Variants in NLRC5 observed in about 807,000 individuals in gnomAD.
NLRC5 encodes the protein protein NLRC5.
NLRC5 carries 114 observed loss-of-function variants against 206.9 expected under a neutral mutation model. That is an observed-to-expected ratio of 0.55 (90% CI 0.47 to 0.64). The LOEUF (loss-of-function observed/expected upper bound fraction) is 0.64, where lower values mean the gene tolerates loss of function less well. NLRC5 is among the 30% of genes least tolerant of loss of function. NLRC5 has a pLI of 0.00. For synonymous variants in NLRC5, 952 were observed against 962.8 expected, an observed-to-expected ratio of 0.99 and a Z score of 0.21; for missense variants, 2,008 against 2,305.5, an observed-to-expected ratio of 0.87 and a Z score of 2.64.
intron 36 of NLRC5, 132 bp from the exon 37 acceptor site, chr16:57,069,704 G>C (rs1199123977): frequency 2.8e-6 from 2 of 708,426 alleles, no homozygotes; most frequent in Middle Eastern, 2.3e-4. Flanking sequence ...AGAGATTTAC[G>C]AAGGGAAGGA....
At chr16:57,059,681 G>T in intron 30 of NLRC5, 149 bp downstream of exon 30, 1 of 698,254 alleles carries the variant, frequency 1.4e-6, no homozygotes, top group Non-Finnish European at 2.2e-6. Context: ...CTCCAGATCT[G>T]CCCCCGATGC....
chr16:57,030,083 A>G lies in NLRC5; in HGVS notation c.2416A>G (p.Arg806Gly). 1 of 1,613,758 alleles carries G rather than the reference A, an allele frequency of 6.2e-7. No homozygotes were observed. The highest frequency in any genetic ancestry group is 2.2e-5 in the East Asian group (1 of 44,882). The change falls in exon 10 of 49, where the codon AGG (arginine) becomes GGG (glycine). Residue 806 changes from arginine to glycine, a missense_variant and splice_region_variant. Coordinates refer to ENST00000688547, the MANE Select transcript of NLRC5 (RefSeq NM_001384950.1). ...TCCTACCGTCAGGATGCTTCAGGCC[A>G]GGTGAGCAGAAGGAAAGGGATCTTG... ...TCPTVRMLQA[R>G]EADLIFLLSP...
chr16:57,034,344 G>C (rs902025594), intron 13 of NLRC5, 93 bp downstream of exon 13: 1 of 858,424 alleles, frequency 1.2e-6, no homozygotes, highest in Admixed American at 2.2e-5. Flanking sequence ...GTGTGGGGGA[G>C]GGGCATGCTG....
At chr16:57,040,626 C>T (rs769974071) in intron 16 of NLRC5, 24 bp from the exon 17 acceptor site, 2 of 1,612,696 alleles carry the variant, frequency 1.2e-6, no homozygotes, top group African/African-American at 2.7e-5. Context: ...TTTGCTCAGC[C>T]TGGCCTTGGT....
chr16:57,074,540 C>T, intron 38 of NLRC5, 60 bp from the exon 39 acceptor site: 1 of 1,489,276 alleles, frequency 6.7e-7, no homozygotes, highest in Non-Finnish European at 9.4e-7. Context: ...GCCTCAGACC[C>T]CCAGACTGGA....
chr16:57,029,813 A>C lies in NLRC5; in HGVS notation c.2284A>C (p.Ile762Leu). The C allele has an allele frequency of 6.2e-7, 1 of 1,614,138 alleles. No individual in the cohort carries two copies. Among genetic ancestry groups the C allele is most frequent in the Middle Eastern group, 1.6e-4 (1 of 6,062 alleles). ...GCTCAGTGACCAGGTGGTGCTGAAC[A>C]TTGTGGAGGTTCTCCCTCACCTACC... The part of the protein sequence containing the change: ...NQLSDQVVLN[I>L]VEVLPHLPRL... Residue 762 changes from isoleucine (I) to leucine (L), a missense_variant, in exon 9 of 49, where the codon ATT becomes CTT. Physicochemically the swap from Ile to Leu is conservative, Grantham distance 5 (BLOSUM62 2). Coordinates refer to ENST00000688547, the MANE Select transcript of NLRC5 (RefSeq NM_001384950.1).
In NLRC5 at chr16:57,041,997, T is replaced by C. The variant is rs1343542777; in HGVS notation, c.3045T>C (p.Ala1015=). The C allele has an allele frequency of 1.3e-6, 2 of 1,579,982 alleles. No individual in the cohort carries two copies. The highest frequency in any genetic ancestry group is 8.6e-7 in the Non-Finnish European group (1 of 1,166,906). The change falls in exon 19 of 49, where the codon GCT becomes GCC. Residue 1015 remains alanine, a synonymous_variant. Coordinates refer to ENST00000688547, the MANE Select transcript of NLRC5 (RefSeq NM_001384950.1). ...CCACCCCCAGCTTCTCAGGCAATGC[T>C]CTGGGGGATGAAGGTGCAGCCCGGC... ...GHLHLDFSGN[A]LGDEGAARLA...
At chr16:57,055,546 G>C (rs1388475613) in intron 27 of NLRC5, 27 bp downstream of exon 27, 3 of 1,590,696 alleles carry the variant, frequency 1.9e-6, no homozygotes, top group Non-Finnish European at 2.6e-6. Context: ...GGAGGAAGGA[G>C]AGGAGCATGG....
chr16:57,018,205 GA>G (rs1281024608), intron 2 of NLRC5, among the ~76,000 whole-genome samples: 1 of 152,204 alleles, frequency 6.6e-6, no homozygotes, highest in Non-Finnish European at 1.5e-5. Flanking sequence ...CCATAGCCTG[GA>G]AAAGAAGTTA....
intron 13 of NLRC5, 83 bp downstream of exon 13, chr16:57,034,334 G>T: frequency 4.3e-6 from 4 of 939,366 alleles, no homozygotes; most frequent in Non-Finnish European, 6.7e-6. Context: ...TGGGTGGGTG[G>T]TGTGGGGGAG....
intron 1 of NLRC5, among the ~76,000 whole-genome samples, chr16:57,001,636 G>C (rs2058270293): frequency 6.6e-6 from 1 of 152,076 alleles, no homozygotes; most frequent in African/African-American, 2.4e-5. Context: ...GTACATAGTA[G>C]GTGTATATAT....
At chr16:57,030,858 C>T (rs1343143129) in intron 10 of NLRC5, among the ~76,000 whole-genome samples, 4 of 152,076 alleles carry the variant, frequency 2.6e-5, no homozygotes, top group Admixed American at 2.6e-4. Flanking sequence ...CCTGTAATTC[C>T]AACACTTTGG....
intron 1 of NLRC5, among the ~76,000 whole-genome samples, chr16:57,009,240 G>A (rs1461353481): frequency 3.3e-5 from 5 of 151,972 alleles, no homozygotes; most frequent in East Asian, 1.9e-4. Flanking sequence ...GCAGTGAGCC[G>A]AGACCTTGCC....
Position 57,061,612 on chromosome 16 carries a change from C to T in NLRC5, c.4071-6C>T, listed in dbSNP as rs768150451. 1 of 1,610,122 alleles carries T rather than the reference C, an allele frequency of 6.2e-7. No homozygotes were observed. The highest frequency in any genetic ancestry group is 8.5e-7 in the Non-Finnish European group (1 of 1,179,322). ...AGCCACCTCAGTGACTGACCTCTGT[C>T]TCCAGGCTGACCCAGTGCTGCCTGG... On this transcript the variant is annotated splice_polypyrimidine_tract_variant and splice_region_variant and intron_variant, in intron 31 of 48. Coordinates refer to ENST00000688547, the MANE Select transcript of NLRC5 (RefSeq NM_001384950.1).
intron 12 of NLRC5, 88 bp from the exon 13 acceptor site, chr16:57,034,080 C>G (rs1597274317): frequency 9.1e-7 from 1 of 1,103,346 alleles, no homozygotes; most frequent in Non-Finnish European, 1.3e-6. Flanking sequence ...TCTGTGGGCC[C>G]CCTGACTCCC....
At chr16:57,039,137 C>T (rs1321518661) in intron 15 of NLRC5, among the ~76,000 whole-genome samples, 1 of 152,138 alleles carries the variant, frequency 6.6e-6, no homozygotes, top group Non-Finnish European at 1.5e-5. Flanking sequence ...GAAGGACTCA[C>T]TCCAAAGGTT....
chr16:57,024,281 A>C (rs1350036371), intron 5 of NLRC5, among the ~76,000 whole-genome samples: 1 of 152,184 alleles, frequency 6.6e-6, no homozygotes, highest in African/African-American at 2.4e-5. Flanking sequence ...ATGGGGAGAC[A>C]TGGAGCTGCT....
At chr16:57,044,092 A>G (rs2063623914) in intron 20 of NLRC5, among the ~76,000 whole-genome samples, 1 of 150,210 alleles carries the variant, frequency 6.7e-6, no homozygotes, top group South Asian at 2.1e-4. Flanking sequence ...TGAGGTCAGG[A>G]GTTTGAGAAC....
Position 57,054,937 on chromosome 16 carries a change from C to G in NLRC5, c.3597-95C>G. ...GTAGGATGAAGACAGTAGGACCCAACTAGAGGCTGGGCTTCCGGAGGAGGG... is the reference window on the plus strand; with the variant it reads ...GTAGGATGAAGACAGTAGGACCCAAGTAGAGGCTGGGCTTCCGGAGGAGGG... On this transcript the variant is annotated intron_variant, in intron 25 of 48. Coordinates refer to ENST00000688547, the MANE Select transcript of NLRC5 (RefSeq NM_001384950.1). 4.4e-6 allele frequency: 7 copies of G among 1,585,344 alleles called. No homozygotes were observed. In the South Asian group the frequency reaches 7.7e-5, roughly 18 times the overall value.
Sources: gnomAD v4.1 joint callset for allele counts (sites outside exome capture counted in the v4.1 genomes callset) on GRCh38, gnomAD v4.1.1 for gene constraint, MANE v1.5 for transcripts, NCBI Gene and HGNC (gene_info 2026-07-23, HGNC 2026-07-21) for gene names.